CA2: variants seen among roughly 807,000 people sequenced by gnomAD.
The protein encoded by CA2 is carbonate dehydratase II.
CA2 carries 23 observed loss-of-function variants against 27.8 expected under a neutral mutation model. The observed-to-expected ratio is 0.83, with a 90% CI of 0.59 to 1.17. CA2 has a LOEUF of 1.17. Among genes scored for constraint, CA2 ranks in the 50% most tolerant of loss-of-function variants. The pLI is 0.00. For missense variants in CA2, 300 were observed against 314.7 expected, an observed-to-expected ratio of 0.95 and a Z score of 0.35; for synonymous variants, 99 against 114.9, an observed-to-expected ratio of 0.86 and a Z score of 0.88.
chr8:85,464,162 C>A, intron 1 of CA2, 47 bp downstream of exon 1: 1 of 1,472,934 alleles, frequency 6.8e-7, no homozygotes, highest in Non-Finnish European at 9.1e-7. Flanking sequence ...ATCCCCGATC[C>A]CCGATCCCCG....
rs1350200182 is a variant in CA2 at position 85,465,459 on chromosome 8, G to C, written c.222G>C (p.Gln74His). ...TCAACGTGGAGTTTGATGACTCTCA[G>C]GACAAAGCAGGTCAGTGTTTAGAAA... ...HAFNVEFDDSQDKAVLKGGPL... is the reference protein window; with the variant it reads ...HAFNVEFDDSHDKAVLKGGPL... The change falls in exon 2 of 7, where the codon CAG becomes CAC. Residue 74 changes from glutamine (Q) to histidine (H), a missense_variant. Physicochemically the swap from Gln to His is conservative, Grantham distance 24. Transcript: ENST00000285379. 2 of 1,613,668 alleles carry C rather than the reference G, an allele frequency of 1.2e-6. No homozygotes were observed. The highest frequency in any genetic ancestry group is 1.7e-6 in the Non-Finnish European group (2 of 1,179,704).
chr8:85,478,162 T>C (rs562682296), intron 6 of CA2, among the ~76,000 whole-genome samples: 14 of 152,238 alleles, frequency 9.2e-5, no homozygotes, highest in Non-Finnish European at 1.8e-4. Context: ...AAAATTGAAG[T>C]GTTTTCCACT....
chr8:85,466,279 T>G (rs12543834), intron 2 of CA2, among the ~76,000 whole-genome samples: 98 of 152,082 alleles, frequency 6.4e-4, no homozygotes, highest in Admixed American at 5.6e-3. Flanking sequence ...GTGCCCTATT[T>G]TCCTGAGTGC....
chr8:85,474,294 C>T lies in CA2; in HGVS notation c.352-30C>T, dbSNP rs201483066. On this transcript the variant is annotated intron_variant, in intron 3 of 6. Transcript: ENST00000285379. The stretch of plus-strand genomic sequence containing the variant: ...CTGTCAGCTTTGATTATGTAAATCA[C>T]TCACTGTGGCTTTGTCTCTTCGGCC... 12 of 1,473,930 alleles carry T rather than the reference C, an allele frequency of 8.1e-6. No homozygotes were observed. The East Asian group carries it at 2.0e-4, about 25-fold the overall frequency. The allele number at this position is 1,473,930 out of a possible 1,614,324, so 91.3% of individuals were successfully genotyped here.
At chr8:85,474,610 G>C (rs928323872) in intron 4 of CA2, 194 bp downstream of exon 4, 1 of 611,612 alleles carries the variant, frequency 1.6e-6, no homozygotes, top group African/African-American at 1.9e-5. Flanking sequence ...CAATAGGAGA[G>C]GTACTTATTT....
intron 1 of CA2, chr8:85,464,428 T>TC (rs1811588396): frequency 2.8e-6 from 1 of 355,450 alleles, no homozygotes; most frequent in Non-Finnish European, 5.0e-6. Context: ...CCCTCCCGGG[T>TC]CCCGACCTGG....
intron 5 of CA2, among the ~76,000 whole-genome samples, chr8:85,476,330 T>C (rs1411721072): frequency 6.6e-6 from 1 of 152,212 alleles, no homozygotes; most frequent in Non-Finnish European, 1.5e-5. Context: ...AAATCCTCTC[T>C]GCAGCATAGT....
At chr8:85,477,498 C>T (rs1221627989) in intron 6 of CA2, among the ~76,000 whole-genome samples, 1 of 150,378 alleles carries the variant, frequency 6.6e-6, no homozygotes, top group African/African-American at 2.4e-5. Context: ...ATTGAATAGT[C>T]ATTGTAAGGA....
In CA2 at chr8:85,468,059, C is replaced by T. The variant is rs550247964; in HGVS notation, c.232+2590C>T. Among the ~76,000 whole-genome samples the T allele has an allele frequency of 3.3e-5, 5 of 152,322 alleles. No homozygotes were observed. In the South Asian group the frequency reaches 1.0e-3, roughly 32 times the overall value. On this transcript the variant is annotated intron_variant, in intron 2 of 6. Transcript: ENST00000285379. ...AGTAGAAAGACATAGAAATAGTAGA[C>T]CCTGACTGCCACTTTGATAAGTGCA...
chr8:85,473,868 G>A (rs1811746075), intron 3 of CA2, 57 bp downstream of exon 3: 5 of 978,290 alleles, frequency 5.1e-6, no homozygotes, highest in Admixed American at 1.7e-5. Flanking sequence ...TTGATATTTA[G>A]CATTAATTTC....
intron 2 of CA2, among the ~76,000 whole-genome samples, chr8:85,466,155 G>A (rs1257279583): frequency 2.1e-5 from 3 of 143,702 alleles, no homozygotes; most frequent in East Asian, 2.0e-4. Context: ...GAAAGAGAAA[G>A]AAGAAAAAAA....
At chr8:85,476,889 C>G (rs1040545361) in intron 5 of CA2, among the ~76,000 whole-genome samples, 2 of 151,416 alleles carry the variant, frequency 1.3e-5, no homozygotes, top group Non-Finnish European at 2.9e-5. Flanking sequence ...GAAAAATGGA[C>G]ATGTGAAAAT....
chr8:85,472,421 C>T (rs1482741617), intron 2 of CA2, among the ~76,000 whole-genome samples: 1 of 152,104 alleles, frequency 6.6e-6, no homozygotes, highest in Non-Finnish European at 1.5e-5. Flanking sequence ...AGACTGATTT[C>T]ACACTATTTT....
chr8:85,465,317 G>T lies in CA2; in HGVS notation c.80G>T (p.Arg27Leu), dbSNP rs765669662. The T allele has an allele frequency of 1.2e-6, 2 of 1,614,096 alleles. No individual in the cohort carries two copies. The highest frequency in any genetic ancestry group is 8.5e-7 in the Non-Finnish European group (1 of 1,180,002). ...HKDFPIAKGERQSPVDIDTHT... is the reference protein window; with the variant it reads ...HKDFPIAKGELQSPVDIDTHT... The stretch of plus-strand genomic sequence containing the variant: ...GACTTCCCCATTGCCAAGGGAGAGC[G>T]CCAGTCCCCTGTTGACATCGACACT... The change falls in exon 2 of 7, where the codon CGC becomes CTC. Residue 27 changes from arginine (R) to leucine (L), a missense_variant. Physicochemically the swap from Arg to Leu is moderately radical, Grantham distance 102. This residue lies in a region of CA2 where 122 missense variants were observed against 133.2 expected (regional missense o/e 0.92). Transcript: ENST00000285379.
chr8:85,475,603 G>A (rs537870615), intron 4 of CA2, among the ~76,000 whole-genome samples, 195 bp from the exon 5 acceptor site: 18 of 152,138 alleles, frequency 1.2e-4, no homozygotes, highest in Non-Finnish European at 2.4e-4. Context: ...AATTAGAGGC[G>A]AGTTGAAGAT....
Position 85,480,998 on chromosome 8 carries a change from T to A in CA2, c.*209T>A. 1.8e-6 allele frequency: 1 copy of A among 564,652 alleles called. No individual in the cohort carries two copies. Among genetic ancestry groups the A allele is most frequent in the Non-Finnish European group, 3.2e-6 (1 of 316,168 alleles). The allele number at this position is 564,652 out of a possible 1,614,324, so 35.0% of individuals were successfully genotyped here. A position where few individuals can be genotyped will look rare whatever the true frequency, so the allele number is the denominator to read the frequency against. The stretch of plus-strand genomic sequence containing the variant: ...ACTGCTGTGGCTGGTTGGTGCTTTG[T>A]TTATGGTAGTAGTTTTTCTGTAACA... On this transcript the variant is annotated 3_prime_UTR_variant, in exon 7 of 7. Transcript: ENST00000285379.
chr8:85,474,100 A>G (rs1163959542), intron 3 of CA2: 2 of 611,946 alleles, frequency 3.3e-6, no homozygotes, highest in Non-Finnish European at 5.8e-6. Context: ...CTTCTGTCAA[A>G]ACTGTACATT....
In CA2 at chr8:85,464,126, G is replaced by C; in HGVS notation, c.34+11G>C. The C allele has an allele frequency of 6.5e-7, 1 of 1,536,772 alleles. No homozygotes were observed. The highest frequency in any genetic ancestry group is 2.5e-5 in the East Asian group (1 of 39,870). On this transcript the variant is annotated intron_variant, in intron 1 of 6. Coordinates refer to ENST00000285379, the MANE Select transcript of CA2 (RefSeq NM_000067.3). ...ACGGCAAACACAACGGTGAGTGCCG[G>C]CGACGGCCAGCGCGGGGGCGCCCCG...
Position 85,464,066 on chromosome 8 carries a change from G to A in CA2, c.-16G>A, listed in dbSNP as rs768352706. ...TCGGTGCCGATTCCTGCCCTGCCCC[G>A]ACCGCCAGCGCGACCATGTCCCATC... On this transcript the variant is annotated 5_prime_UTR_variant, in exon 1 of 7. Coordinates refer to ENST00000285379, the MANE Select transcript of CA2 (RefSeq NM_000067.3). The A allele has an allele frequency of 3.2e-6, 5 of 1,546,474 alleles. No homozygotes were observed. Among genetic ancestry groups the A allele is most frequent in the South Asian group, 1.2e-5 (1 of 84,040 alleles).
Sources: gnomAD v4.1 joint callset for allele counts (sites outside exome capture counted in the v4.1 genomes callset) on GRCh38, gnomAD v4.1.1 for gene constraint, gnomAD v4.1.1 regional missense constraint, MANE v1.5 for transcripts, NCBI Gene and HGNC (gene_info 2026-07-23, HGNC 2026-07-21) for gene names.